The following GTF3C1 variants were observed in gnomAD, a reference collection of about 807,000 sequenced individuals.
The protein encoded by GTF3C1 is general transcription factor IIIC subunit 1.
Under a neutral mutation model 226.7 loss-of-function variants are expected in GTF3C1, and 57 were observed. That is an observed-to-expected ratio of 0.25 (90% confidence interval 0.20 to 0.31). The LOEUF (loss-of-function observed/expected upper bound fraction) is 0.31. Among genes scored for constraint, GTF3C1 ranks in the 10% least tolerant of loss-of-function variants. GTF3C1 has a pLI of 1.00. For synonymous variants in GTF3C1, 1,090 were observed against 1,084.8 expected, an observed-to-expected ratio of 1.00 and a Z score of -0.09; for missense variants, 2,217 against 2,776.1, an observed-to-expected ratio of 0.80 and a Z score of 4.53.
chr16:27,490,438 G>C (rs541260787), intron 19 of GTF3C1, among the ~76,000 whole-genome samples: 2 of 152,256 alleles, frequency 1.3e-5, no homozygotes, highest in African/African-American at 4.8e-5. Context: ...ATGGCCGGTG[G>C]GGCCCGGGGC....
In GTF3C1 at chr16:27,506,928, C is replaced by T. The variant is rs1307149458; in HGVS notation, c.1471G>A (p.Gly491Ser). ...EEERSSSKRRGRGSQKDTRAS... is the reference protein window; with the variant it reads ...EEERSSSKRRSRGSQKDTRAS... Reference sequence around the variant, plus strand: ...CTTGTGTCTTTCTGGGACCCTCTGCCTCTCCGCTTGCTGCTGCTCCTCTCC... The same window carrying T: ...CTTGTGTCTTTCTGGGACCCTCTGCTTCTCCGCTTGCTGCTGCTCCTCTCC... The change falls in exon 9 of 37, where the codon GGC becomes AGC. Residue 491 changes from glycine to serine, a missense_variant. By Grantham distance (56) the Gly-to-Ser change is moderately conservative. This residue lies in a region of GTF3C1 where 173 missense variants were observed against 207.2 expected (regional missense o/e 0.83). Coordinates refer to ENST00000356183, the MANE Select transcript of GTF3C1 (RefSeq NM_001520.4). 1.2e-6 allele frequency: 2 copies of T among 1,613,886 alleles called. No individual in the cohort carries two copies. The highest frequency in any genetic ancestry group is 1.7e-5 in the Admixed American group (1 of 59,998).
chr16:27,487,200 A>G (rs972054096), intron 23 of GTF3C1, among the ~76,000 whole-genome samples: 10 of 152,242 alleles, frequency 6.6e-5, no homozygotes, highest in African/African-American at 4.8e-5. Context: ...GGTCTTACAC[A>G]TATCTACGAC....
At chr16:27,518,338 G>C (rs2088693808) in intron 6 of GTF3C1, among the ~76,000 whole-genome samples, 1 of 152,222 alleles carries the variant, frequency 6.6e-6, no homozygotes. Context: ...AGTCTGTCTG[G>C]TGTTAGCTTG....
intron 1 of GTF3C1, among the ~76,000 whole-genome samples, chr16:27,546,472 G>A (rs558036841): frequency 3.9e-4 from 33 of 83,566 alleles, no homozygotes; most frequent in Non-Finnish European, 4.1e-4. Flanking sequence ...AGCTTGTCAA[G>A]TTTTTTTTTT....
chr16:27,494,921 C>A lies in GTF3C1; in HGVS notation c.2633-13G>T. 1 of 1,610,576 alleles carries A rather than the reference C, an allele frequency of 6.2e-7. No homozygotes were observed. Among genetic ancestry groups the A allele is most frequent in the East Asian group, 2.2e-5 (1 of 44,826 alleles). On this transcript the variant is annotated splice_polypyrimidine_tract_variant and intron_variant, in intron 15 of 36. Coordinates refer to ENST00000356183, the MANE Select transcript of GTF3C1 (RefSeq NM_001520.4). ...TCGTCGACATACACTAGGAAAAAAACGCACGGTTACCCCCGGCAGCCAGGA... is the reference window on the plus strand; with the variant it reads ...TCGTCGACATACACTAGGAAAAAAAAGCACGGTTACCCCCGGCAGCCAGGA...
chr16:27,514,265 T>A (rs1007440605), intron 6 of GTF3C1, among the ~76,000 whole-genome samples: 1 of 152,216 alleles, frequency 6.6e-6, no homozygotes, highest in Admixed American at 6.5e-5. Context: ...CCGGGGCTCC[T>A]GCCGTCCCTC....
At chr16:27,542,435 C>T (rs1261651471) in intron 2 of GTF3C1, among the ~76,000 whole-genome samples, 1 of 152,066 alleles carries the variant, frequency 6.6e-6, no homozygotes, top group Non-Finnish European at 1.5e-5. Context: ...GTAGCAGGTC[C>T]CTGTAAACCC....
At chr16:27,524,787 G>C (rs2088804181) in intron 6 of GTF3C1, among the ~76,000 whole-genome samples, 2 of 152,140 alleles carry the variant, frequency 1.3e-5, no homozygotes, top group South Asian at 4.1e-4. Context: ...CTTCCAACAG[G>C]ACAGAAAATA....
Position 27,507,242 on chromosome 16 carries a change from T to C in GTF3C1, c.1243-86A>G, listed in dbSNP as rs1210091140. The C allele has an allele frequency of 4.1e-5, 43 of 1,039,706 alleles. No homozygotes were observed. The highest frequency in any genetic ancestry group is 6.1e-5 in the Non-Finnish European group (43 of 709,856). The allele number at this position is 1,039,706 out of a possible 1,614,324, so 64.4% of individuals were successfully genotyped here. The stretch of plus-strand genomic sequence containing the variant: ...AGGTGGTCTGTGGCATCTATTTCCT[T>C]ATTGGCTTTCTTCTGTTTCTCCTGT... On this transcript the variant is annotated intron_variant, in intron 8 of 36. Transcript: ENST00000356183. The surrounding 1 kb of genome is among the most constrained non-coding windows in gnomAD (Gnocchi z 4.9).
chr16:27,515,750 T>C (rs538879276), intron 6 of GTF3C1, among the ~76,000 whole-genome samples: 2 of 152,312 alleles, frequency 1.3e-5, no homozygotes, highest in African/African-American at 4.8e-5. Flanking sequence ...GGGATGACAG[T>C]GTTCTCTGTC....
chr16:27,508,072 C>G (rs1030980938), intron 8 of GTF3C1, among the ~76,000 whole-genome samples: 1 of 152,262 alleles, frequency 6.6e-6, no homozygotes, highest in African/African-American at 2.4e-5. Context: ...CGCAGTGGCG[C>G]CATCTCGGCT....
At chr16:27,506,826 C>G (rs1450989735) in intron 9 of GTF3C1, 21 bp downstream of exon 9, 16 of 1,569,406 alleles carry the variant, frequency 1.0e-5, no homozygotes, top group African/African-American at 1.4e-5. Flanking sequence ...GCAGCCCCTG[C>G]CCACCCCACG....
At chr16:27,531,017 T>G (rs1341182178) in intron 5 of GTF3C1, among the ~76,000 whole-genome samples, 1 of 152,180 alleles carries the variant, frequency 6.6e-6, no homozygotes, top group Admixed American at 6.5e-5. Context: ...CGCCACCTTC[T>G]TCCCATCCCC....
chr16:27,493,344 C>A, intron 16 of GTF3C1, 48 bp from the exon 17 acceptor site: 1 of 928,348 alleles, frequency 1.1e-6, no homozygotes, highest in Non-Finnish European at 1.8e-6. Flanking sequence ...GCCAGGGCGA[C>A]CTGCAAGAAT....
intron 29 of GTF3C1, among the ~76,000 whole-genome samples, chr16:27,475,458 C>T (rs1255136193): frequency 2.0e-5 from 3 of 152,098 alleles, no homozygotes; most frequent in Admixed American, 6.5e-5. Context: ...ACAAAATGAA[C>T]GGGTCCTCCT....
rs191692106 is a variant in GTF3C1, at chr16:27,498,613, C to A, written c.2165+17G>T. 1 of 1,342,866 alleles carries A rather than the reference C, an allele frequency of 7.4e-7. No homozygotes were observed. The highest frequency in any genetic ancestry group is 1.4e-5 in the African/African-American group (1 of 69,784). 83.2% of individuals were successfully genotyped at this position (1,342,866 alleles called of 1,614,324 possible). On this transcript the variant is annotated intron_variant, in intron 13 of 36. Transcript: ENST00000356183. ...TGGCAGCCTTGCTATGGGTTCTTCC[C>A]GGGCACCTCCACTTGCCTGTTGGCT...
At chr16:27,487,751 C>G (rs1016136213) in intron 23 of GTF3C1, among the ~76,000 whole-genome samples, 1 of 152,186 alleles carries the variant, frequency 6.6e-6, no homozygotes, top group African/African-American at 2.4e-5. Context: ...CAAGATCACA[C>G]CACTGCACTC....
At chr16:27,496,684 G>A (rs547658913) in intron 14 of GTF3C1, among the ~76,000 whole-genome samples, 4 of 152,308 alleles carry the variant, frequency 2.6e-5, no homozygotes, top group South Asian at 2.1e-4. Context: ...GATTACAGGC[G>A]TTAGCCACCA....
chr16:27,485,928 C>T (rs947978568), intron 24 of GTF3C1, 69 bp downstream of exon 24: 16 of 1,073,154 alleles, frequency 1.5e-5, no homozygotes, highest in East Asian at 5.2e-5. Context: ...TGGGAGTCCC[C>T]GGAAGGCTCA....
Sources: allele counts gnomAD v4.1 joint callset (sites outside exome capture counted in the v4.1 genomes callset), GRCh38; gene constraint gnomAD v4.1.1; regional missense constraint gnomAD v4.1.1; non-coding constraint Gnocchi (gnomAD v3.1); transcripts MANE v1.5; gene names NCBI Gene and HGNC (gene_info 2026-07-23, HGNC 2026-07-21).